PRTG: variants seen among roughly 807,000 people sequenced by gnomAD.
PRTG encodes protogenin.
In PRTG, 67 loss-of-function variants were observed where a neutral mutation model predicts 122.5. That is an observed-to-expected ratio of 0.55 (90% CI 0.45 to 0.67). PRTG has a LOEUF of 0.67. Among genes scored for constraint, PRTG ranks in the 30% least tolerant of loss-of-function variants. The pLI is 0.00. For synonymous variants in PRTG, 554 were observed against 501.1 expected (o/e 1.11, Z -1.41); for missense variants, 1,435 against 1,415.4 (o/e 1.01, Z -0.22).
Position 55,620,702 on chromosome 15 carries a change from C to A in PRTG, c.3159G>T (p.Trp1053Cys), listed in dbSNP as rs113426889. The A allele has an allele frequency of 4.3e-5, 69 of 1,601,688 alleles. No homozygotes were observed. Among genetic ancestry groups the A allele is most frequent in the Middle Eastern group, 1.7e-4 (1 of 6,002 alleles). The part of the protein sequence containing the change: ...PIIKNNSKKK[W>C]FFFQDSKKIQ... ...TCTTCTTTGAGTCTTGGAAAAAAAA[C>A]CACTTTTTCTTAGAGTTGTTTTTAA... The change falls in exon 19 of 20, where the codon TGG (tryptophan) becomes TGT (cysteine). Residue 1053 changes from tryptophan (W) to cysteine (C), a missense_variant. Trp to Cys is a radical substitution (Grantham distance 215). Coordinates refer to ENST00000389286, the MANE Select transcript of PRTG (RefSeq NM_173814.6).
At chr15:55,644,439 GC>G (rs2059309371) in intron 11 of PRTG, among the ~76,000 whole-genome samples, 1 of 152,078 alleles carries the variant, frequency 6.6e-6, no homozygotes, top group East Asian at 1.9e-4. Flanking sequence ...CCATTTGTTA[GC>G]CCTAAAATTG....
intron 2 of PRTG, among the ~76,000 whole-genome samples, chr15:55,736,385 T>C (rs1025183430): frequency 8.8e-6 from 1 of 113,992 alleles, no homozygotes; most frequent in Non-Finnish European, 1.8e-5. Context: ...CCCATCTTTT[T>C]TTTTTTAACA....
chr15:55,716,128 G>A (rs1416280128), intron 2 of PRTG, among the ~76,000 whole-genome samples: 1 of 152,206 alleles, frequency 6.6e-6, no homozygotes, highest in Non-Finnish European at 1.5e-5. Flanking sequence ...ACCTGCTCAG[G>A]AGGCTGAGAC....
intron 2 of PRTG, among the ~76,000 whole-genome samples, chr15:55,720,659 C>T (rs867111470): frequency 2.6e-5 from 4 of 152,160 alleles, no homozygotes; most frequent in African/African-American, 9.6e-5. Flanking sequence ...GCTCATCCTG[C>T]TCCATCCACC....
At chr15:55,708,968 A>G (rs905553383) in intron 2 of PRTG, among the ~76,000 whole-genome samples, 2 of 151,840 alleles carry the variant, frequency 1.3e-5, no homozygotes, top group South Asian at 4.1e-4. Context: ...AACATGGTGA[A>G]AAGCCGTCTC....
At chr15:55,681,960 T>C (rs1165616467) in intron 4 of PRTG, among the ~76,000 whole-genome samples, 2 of 152,066 alleles carry the variant, frequency 1.3e-5, no homozygotes, top group African/African-American at 2.4e-5. Flanking sequence ...TTTTAAAATA[T>C]AGTATAACAA....
chr15:55,691,551 T>G lies in PRTG; in HGVS notation c.398-7620A>C, dbSNP rs923311833. 3.4e-5 allele frequency among the ~76,000 whole-genome samples: 5 copies of G among 146,994 alleles called. No homozygotes were observed. The East Asian group carries it at 8.4e-4, about 25-fold the overall frequency. On this transcript the variant is annotated intron_variant, in intron 2 of 19. Coordinates refer to ENST00000389286, the MANE Select transcript of PRTG (RefSeq NM_173814.6). ...CAAAAATTAGCCGGGCATGGTGGCG[T>G]ACGCCTGTAGTCCCAGCTACTCAGG...
In PRTG at chr15:55,619,847, C is replaced by A; in HGVS notation, c.*165G>T. On this transcript the variant is annotated 3_prime_UTR_variant, in exon 20 of 20. Transcript: ENST00000389286. Reference sequence around the variant, plus strand: ...CGAACAGATTTAATGGTGAGAATACCTGAGCATGGCCGTCTAGATTGGAAA... The same window carrying A: ...CGAACAGATTTAATGGTGAGAATACATGAGCATGGCCGTCTAGATTGGAAA... The A allele has an allele frequency of 8.6e-7, 1 of 1,169,188 alleles. No individual in the cohort carries two copies. The highest frequency in any genetic ancestry group is 1.2e-6 in the Non-Finnish European group (1 of 845,734). The allele number at this position is 1,169,188 out of a possible 1,614,324, so 72.4% of individuals were successfully genotyped here. A position where few individuals can be genotyped will look rare whatever the true frequency, so the allele number is the denominator to read the frequency against.
chr15:55,716,777 C>A (rs147444763), intron 2 of PRTG, among the ~76,000 whole-genome samples: 2 of 152,214 alleles, frequency 1.3e-5, no homozygotes, highest in East Asian at 3.9e-4. Context: ...TTAACAGCAG[C>A]GTGGAAAAAG....
rs759595633 is a variant in PRTG, at chr15:55,673,430, C to G, written c.1793G>C (p.Gly598Ala). 20 of 1,614,048 alleles carry G rather than the reference C, an allele frequency of 1.2e-5. No homozygotes were observed. Among genetic ancestry groups the G allele is most frequent in the Non-Finnish European group, 1.7e-5 (20 of 1,180,046 alleles). The change falls in exon 10 of 20, where the codon GGG (glycine) becomes GCG (alanine). Residue 598 changes from glycine (G) to alanine (A), a missense_variant. Physicochemically the swap from Gly to Ala is moderately conservative, Grantham distance 60. Coordinates refer to ENST00000389286, the MANE Select transcript of PRTG (RefSeq NM_173814.6). Reference protein sequence around the residue: ...LVRITAATRVGLGESSVWTSH... With the variant: ...LVRITAATRVALGESSVWTSH... ...AGTCCATACTGATGACTCTCCCAGC[C>G]CCACTCTGGTGGCAGCAGTAATCCG...
At chr15:55,738,071 A>ATATATATATATATATATAT (rs1555438618) in intron 2 of PRTG, 3 of 105,436 alleles carry the variant, frequency 2.8e-5, no homozygotes, top group Admixed American at 1.1e-4. Context: ...TCTTCCTGTA[A>ATATATATATATATATATAT]ATATATATAT....
At chr15:55,733,900 A>G (rs2031322741) in intron 2 of PRTG, among the ~76,000 whole-genome samples, 1 of 152,246 alleles carries the variant, frequency 6.6e-6, no homozygotes, top group African/African-American at 2.4e-5. Flanking sequence ...TAGCACTGCT[A>G]CCACCAAAAC....
intron 2 of PRTG, among the ~76,000 whole-genome samples, chr15:55,707,037 A>C (rs939349713): frequency 6.6e-6 from 1 of 152,212 alleles, no homozygotes; most frequent in African/African-American, 2.4e-5. Flanking sequence ...AAAATTTGAG[A>C]AGCACTACTC....
At chr15:55,719,475 T>A (rs939912173) in intron 2 of PRTG, among the ~76,000 whole-genome samples, 3 of 152,208 alleles carry the variant, frequency 2.0e-5, no homozygotes, top group Non-Finnish European at 4.4e-5. Context: ...TGACTTCATA[T>A]ACTCAATGAA....
At chr15:55,720,766 C>A (rs2030786138) in intron 2 of PRTG, among the ~76,000 whole-genome samples, 2 of 152,294 alleles carry the variant, frequency 1.3e-5, no homozygotes, top group East Asian at 1.9e-4. Flanking sequence ...ATGGGTCACA[C>A]ATAAAACACG....
In PRTG at chr15:55,612,701, T is replaced by G. The variant is rs1232417163; in HGVS notation, c.*7311A>C. ...CTCTTTAACTCTTTAAAAGCCAATA[T>G]ATATATATATATATATATATATATA... is the stretch of plus-strand genomic sequence containing the variant. On this transcript the variant is annotated 3_prime_UTR_variant, in exon 20 of 20. Transcript: ENST00000389286. 2.5e-4 allele frequency: 1 copy of G among 4,062 alleles called. No homozygotes were observed. The highest frequency in any genetic ancestry group is 3.1e-4 in the African/African-American group (1 of 3,176). 0.3% of individuals were successfully genotyped at this position (4,062 alleles called of 1,614,324 possible).
Position 55,733,514 on chromosome 15 carries a change from C to CAAA in PRTG, c.397+6865_397+6867dup, listed in dbSNP as rs1171561645. Among the ~76,000 whole-genome samples the CAAA allele has an allele frequency of 5.3e-3, 406 of 76,370 alleles. 4 individuals carry two copies. The highest frequency in any genetic ancestry group is 0.016 in the African/African-American group (377 of 23,218). The allele number at this position is 76,370 out of a possible 152,430, so 50.1% of individuals were successfully genotyped here. On this transcript the variant is annotated intron_variant, in intron 2 of 19. Transcript: ENST00000389286. ...AACAAGAGCAAAACTCTGTCTCAAA[C>CAAA]AAAAAAAAAAAAAAAAAAAAAGTAA...
Position 55,712,324 on chromosome 15 carries a change from CCT to C in PRTG, c.397+28056_397+28057del, listed in dbSNP as rs1184802797. Among the ~76,000 whole-genome samples the C allele has an allele frequency of 3.3e-4, 50 of 152,284 alleles. No individual in the cohort carries two copies. The East Asian group carries it at 8.7e-3, about 26-fold the overall frequency. On this transcript the variant is annotated intron_variant, in intron 2 of 19. Transcript: ENST00000389286. ...CACTGGTCAAAGACAGACAAAGACC[CCT>C]GTCTCAAATAATAGCTTTAGTCCGT...
At chr15:55,715,057 C>A (rs1391505181) in intron 2 of PRTG, among the ~76,000 whole-genome samples, 2 of 152,040 alleles carry the variant, frequency 1.3e-5, no homozygotes, top group Non-Finnish European at 2.9e-5. Context: ...TCTCTAAACA[C>A]CAAAATCATT....
Sources: gnomAD v4.1 joint callset for allele counts (sites outside exome capture counted in the v4.1 genomes callset) on GRCh38, gnomAD v4.1.1 for gene constraint, MANE v1.5 for transcripts, NCBI Gene and HGNC (gene_info 2026-07-23, HGNC 2026-07-21) for gene names.